GALNTL6: variants seen among roughly 807,000 people sequenced by gnomAD.
GALNTL6 encodes polypeptide N-acetylgalactosaminyltransferase-like 6.
In GALNTL6, 46 loss-of-function variants were observed where a neutral mutation model predicts 73.7. That is an observed-to-expected ratio of 0.62 (90% confidence interval 0.49 to 0.80). GALNTL6 has a LOEUF of 0.80. GALNTL6 is among the 30% of genes least tolerant of loss of function. The probability of loss-of-function intolerance (pLI) is 0.00; values close to 1 mark genes in which losing one functional copy is unlikely to be tolerated. For synonymous variants in GALNTL6, 259 were observed against 263.7 expected, an observed-to-expected ratio of 0.98 and a Z score of 0.17; for missense variants, 604 against 755.0, an observed-to-expected ratio of 0.80 and a Z score of 2.34.
chr4:171,927,887 T>C (rs1738036135), intron 2 of GALNTL6, among the ~76,000 whole-genome samples: 1 of 152,198 alleles, frequency 6.6e-6, no homozygotes, highest in Non-Finnish European at 1.5e-5. Context: ...TTCTTTACCT[T>C]TCTTTAGTTC....
intron 2 of GALNTL6, among the ~76,000 whole-genome samples, chr4:172,087,560 C>A (rs531431672): frequency 2.0e-5 from 3 of 151,396 alleles, no homozygotes; most frequent in East Asian, 3.9e-4. Flanking sequence ...CATTGCTAAG[C>A]GAAAGCAAGG....
chr4:172,758,118 CA>C (rs1161291686), intron 5 of GALNTL6, among the ~76,000 whole-genome samples: 6 of 152,310 alleles, frequency 3.9e-5, no homozygotes, highest in Admixed American at 3.9e-4. Context: ...TATGTGCACA[CA>C]ACCACCTATG....
intron 2 of GALNTL6, among the ~76,000 whole-genome samples, chr4:171,841,633 A>G (rs1387843645): frequency 6.6e-6 from 1 of 152,086 alleles, no homozygotes; most frequent in South Asian, 2.1e-4. Flanking sequence ...CTATTCCTTT[A>G]GGAGGAAATA....
chr4:172,544,381 C>T (rs1207435530), intron 5 of GALNTL6, among the ~76,000 whole-genome samples: 1 of 152,154 alleles, frequency 6.6e-6, no homozygotes, highest in Non-Finnish European at 1.5e-5. Context: ...TCCTGTTTAT[C>T]TTCTTTGACT....
intron 2 of GALNTL6, among the ~76,000 whole-genome samples, chr4:172,076,228 A>C (rs28440067): frequency 0.089 from 13,594 of 152,230 alleles, 732 homozygotes; most frequent in East Asian, 0.24. Context: ...TTAAACATAG[A>C]TAGCTAATGC....
At chr4:172,873,786 G>A (rs1579594286) in intron 7 of GALNTL6, among the ~76,000 whole-genome samples, 1 of 152,112 alleles carries the variant, frequency 6.6e-6, no homozygotes, top group East Asian at 1.9e-4. Context: ...AGAAATTAAG[G>A]TCATTAAGCA....
At chr4:172,287,092 T>A (rs1490407283) in intron 3 of GALNTL6, among the ~76,000 whole-genome samples, 3 of 152,208 alleles carry the variant, frequency 2.0e-5, no homozygotes, top group Non-Finnish European at 2.9e-5. Context: ...AGGGTGGAAA[T>A]CCTTTTGCCA....
At chr4:171,969,856 G>A (rs182946999) in intron 2 of GALNTL6, among the ~76,000 whole-genome samples, 94 of 150,022 alleles carry the variant, frequency 6.3e-4, no homozygotes, top group Non-Finnish European at 1.1e-3. Flanking sequence ...TGCAACCTCC[G>A]CCTTCAGAGT....
intron 5 of GALNTL6, among the ~76,000 whole-genome samples, chr4:172,747,993 T>A (rs1464351770): frequency 8.0e-5 from 4 of 49,786 alleles, no homozygotes; most frequent in African/African-American, 3.2e-4. Flanking sequence ...TGTCAATAGG[T>A]TCTTGGAAAC....
chr4:172,908,345 G>A (rs1747015496), intron 8 of GALNTL6, among the ~76,000 whole-genome samples: 1 of 151,964 alleles, frequency 6.6e-6, no homozygotes. Context: ...TATTTCAACT[G>A]AAAAGCTATC....
At chr4:172,358,388 T>G (rs1742241858) in intron 5 of GALNTL6, among the ~76,000 whole-genome samples, 1 of 152,268 alleles carries the variant, frequency 6.6e-6, no homozygotes, top group East Asian at 1.9e-4. Context: ...AAGTTCATGC[T>G]TGAAGGGCTA....
At chr4:172,009,545 A>G (rs1192740806) in intron 2 of GALNTL6, among the ~76,000 whole-genome samples, 1 of 152,152 alleles carries the variant, frequency 6.6e-6, no homozygotes, top group Non-Finnish European at 1.5e-5. Flanking sequence ...CATTTACTTA[A>G]CAAGACCTTT....
At chr4:171,995,284 T>C (rs1004217633) in intron 2 of GALNTL6, among the ~76,000 whole-genome samples, 3 of 152,052 alleles carry the variant, frequency 2.0e-5, no homozygotes, top group Non-Finnish European at 4.4e-5. Context: ...CACTTCTGGA[T>C]GAAAACTTTA....
At chr4:172,755,811 A>G (rs938336497) in intron 5 of GALNTL6, among the ~76,000 whole-genome samples, 6 of 152,142 alleles carry the variant, frequency 3.9e-5, no homozygotes, top group African/African-American at 1.4e-4. Context: ...TTTAACTTCT[A>G]CTAATTTTTC....
intron 2 of GALNTL6, among the ~76,000 whole-genome samples, chr4:172,167,967 A>C (rs1308966120): frequency 2.0e-5 from 1 of 51,192 alleles, no homozygotes; most frequent in Admixed American, 2.0e-4. Flanking sequence ...CTCCGTCTCA[A>C]AAAAAAAAAA....
At chr4:172,955,555 A>G (rs983034072) in intron 10 of GALNTL6, among the ~76,000 whole-genome samples, 8 of 152,242 alleles carry the variant, frequency 5.3e-5, no homozygotes, top group African/African-American at 1.4e-4. Flanking sequence ...AAATGTTGAC[A>G]CATGCGATTT....
chr4:171,909,863 GT>G (rs1265289617), intron 2 of GALNTL6, among the ~76,000 whole-genome samples: 1 of 152,136 alleles, frequency 6.6e-6, no homozygotes, highest in Non-Finnish European at 1.5e-5. Context: ...GCAGACTGCA[GT>G]TTGCTGTAGA....
intron 2 of GALNTL6, among the ~76,000 whole-genome samples, chr4:171,850,183 G>T (rs1024729304): frequency 6.6e-6 from 1 of 152,150 alleles, no homozygotes; most frequent in Non-Finnish European, 1.5e-5. Context: ...TGCTGGCCAG[G>T]CTGTTCTCGA....
chr4:171,832,370 AT>A (rs1237938964), intron 2 of GALNTL6, among the ~76,000 whole-genome samples: 1 of 151,422 alleles, frequency 6.6e-6, no homozygotes, highest in Non-Finnish European at 1.5e-5. Flanking sequence ...TCATGAATTA[AT>A]TTATTTAATA....
Sources: gnomAD v4.1 joint callset for allele counts (sites outside exome capture counted in the v4.1 genomes callset) on GRCh38, gnomAD v4.1.1 for gene constraint, MANE v1.5 for transcripts, NCBI Gene and HGNC (gene_info 2026-07-23, HGNC 2026-07-21) for gene names.